DLGAP4: variants seen among roughly 807,000 people sequenced by gnomAD.
DLGAP4 encodes the protein disks large-associated protein 4.
DLGAP4 carries 18 observed loss-of-function variants against 86.9 expected under a neutral mutation model. The ratio of observed to expected loss-of-function variants is 0.21; its 90% CI spans 0.14 to 0.31. The LOEUF (loss-of-function observed/expected upper bound fraction) is 0.31, where lower values mean the gene tolerates loss of function less well. Ranked by LOEUF, DLGAP4 falls within the 10% of genes least tolerant of loss-of-function variation. The pLI is 1.00. For synonymous variants in DLGAP4, 548 were observed against 574.3 expected, an observed-to-expected ratio of 0.95 and a Z score of 0.65; for missense variants, 1,085 against 1,362.6, an observed-to-expected ratio of 0.80 and a Z score of 3.21.
At chr20:36,459,525 C>T (rs1249940898) in intron 7 of DLGAP4, among the ~76,000 whole-genome samples, 2 of 152,220 alleles carry the variant, frequency 1.3e-5, no homozygotes, top group African/African-American at 4.8e-5. Flanking sequence ...GCCACAGGCA[C>T]ATGCCACCAC....
chr20:36,499,529 GTTTGTTT>G, intron 8 of DLGAP4, 52 bp from the exon 9 acceptor site: 7 of 1,543,292 alleles, frequency 4.5e-6, no homozygotes, highest in Non-Finnish European at 6.2e-6. Flanking sequence ...CAAGTGTGGT[GTTTGTTT>G]TTTATTTTTG....
At chr20:36,497,560 C>T (rs1215426359) in intron 8 of DLGAP4, 3 of 988,454 alleles carry the variant, frequency 3.0e-6, no homozygotes, top group East Asian at 1.1e-4. Context: ...GGGGGTTGCT[C>T]GAGGGGAACT....
At position 36,446,626 on chromosome 20, in the gene DLGAP4, A is replaced by G. The variant is rs1819327988; in HGVS notation, c.1408-71A>G. 2.6e-5 allele frequency: 38 copies of G among 1,465,546 alleles called. 1 individual carries two copies. The South Asian group carries it at 4.7e-4, about 18-fold the overall frequency. 90.8% of individuals were successfully genotyped at this position (1,465,546 alleles called of 1,614,324 possible). A position where few individuals can be genotyped will look rare whatever the true frequency, so the allele number is the denominator to read the frequency against. On this transcript the variant is annotated intron_variant, in intron 6 of 12. Transcript: ENST00000339266. Reference sequence around the variant, plus strand: ...GACTGTCCAGCCCTGCCCTGAGCCCACCACCAAGAACCGCTCCCCCCAGGA... The same window carrying G: ...GACTGTCCAGCCCTGCCCTGAGCCCGCCACCAAGAACCGCTCCCCCCAGGA...
In DLGAP4 at chr20:36,395,483, C is replaced by T. The variant is rs1057105722; in HGVS notation, c.-73+28208C>T. 1.2e-4 allele frequency among the ~76,000 whole-genome samples: 18 copies of T among 152,082 alleles called. 1 individual carries two copies. Among genetic ancestry groups the T allele is most frequent in the African/African-American group, 4.4e-4 (18 of 41,378 alleles). ...TCAGCGGTCAGCAATGTAGTTATCA[C>T]AGTCAGCACTGCCTTTTTTTTATTA... On this transcript the variant is annotated intron_variant, in intron 2 of 12. Coordinates refer to ENST00000339266, the MANE Select transcript of DLGAP4 (RefSeq NM_001365621.2).
intron 10 of DLGAP4, among the ~76,000 whole-genome samples, chr20:36,506,366 G>A (rs528106817): frequency 3.9e-5 from 6 of 152,324 alleles, no homozygotes; most frequent in African/African-American, 1.4e-4. Context: ...CTGTCTACCT[G>A]GGAGGGAAGA....
At chr20:36,398,555 C>T (rs1426159575) in intron 2 of DLGAP4, among the ~76,000 whole-genome samples, 1 of 152,164 alleles carries the variant, frequency 6.6e-6, no homozygotes, top group African/African-American at 2.4e-5. Flanking sequence ...GTGGCAGGAG[C>T]TGTGGAAGCA....
At chr20:36,491,230 T>C (rs1362313253) in intron 7 of DLGAP4, among the ~76,000 whole-genome samples, 2 of 150,878 alleles carry the variant, frequency 1.3e-5, no homozygotes, top group African/African-American at 4.9e-5. Context: ...CATTCTGACC[T>C]GATAAATACA....
At chr20:36,517,058 G>A (rs547029072) in intron 10 of DLGAP4, among the ~76,000 whole-genome samples, 143 of 150,848 alleles carry the variant, frequency 9.5e-4, no homozygotes, top group Middle Eastern at 3.4e-3. Context: ...GAGCCACTGC[G>A]CCTGGCCGAA....
rs754562927 is a variant in DLGAP4 at position 36,442,762 on chromosome 20, T to C, written c.1392T>C (p.Phe464=). ...AGGCCTCCCTGATCCCCCAGTTGTTTGGCCATGAGCAGCAGGTCAGTATGT... is the reference window on the plus strand; with the variant it reads ...AGGCCTCCCTGATCCCCCAGTTGTTCGGCCATGAGCAGCAGGTCAGTATGT... ...FGQASLIPQL[F]GHEQQVREAE... The change falls in exon 6 of 13, where the codon TTT becomes TTC. Residue 464 remains phenylalanine (F), a synonymous_variant. Coordinates refer to ENST00000339266, the MANE Select transcript of DLGAP4 (RefSeq NM_001365621.2). The C allele has an allele frequency of 6.2e-7, 1 of 1,614,210 alleles. No individual in the cohort carries two copies. The highest frequency in any genetic ancestry group is 8.5e-7 in the Non-Finnish European group (1 of 1,180,038).
At chr20:36,512,252 G>GT (rs1272677250) in intron 10 of DLGAP4, among the ~76,000 whole-genome samples, 5 of 151,698 alleles carry the variant, frequency 3.3e-5, no homozygotes. Flanking sequence ...GAGTTTCACC[G>GT]TGTTAGCCAG....
chr20:36,382,249 T>C (rs558914998), intron 2 of DLGAP4, among the ~76,000 whole-genome samples: 4 of 152,166 alleles, frequency 2.6e-5, no homozygotes, highest in Non-Finnish European at 5.9e-5. Flanking sequence ...AGATAGAGTC[T>C]TGCTGTCTCT....
chr20:36,461,516 TGCCCGCC>T (rs2147615183), intron 7 of DLGAP4: 1 of 982,264 alleles, frequency 1.0e-6, no homozygotes, highest in East Asian at 1.1e-4. Context: ...GGAGGGTGAG[TGCCCGCC>T]GCTGGCCGCC....
rs1225852029 is a variant in DLGAP4 at position 36,527,792 on chromosome 20, CCA to C, written c.*762_*763del. On this transcript the variant is annotated 3_prime_UTR_variant, in exon 13 of 13. Coordinates refer to ENST00000339266, the MANE Select transcript of DLGAP4 (RefSeq NM_001365621.2). ...GAGACGAAGCCACAGTTATCACACTCCAGACTCCTGCCCTTTTATTTTCTCCA... is the reference window on the plus strand; with the variant it reads ...GAGACGAAGCCACAGTTATCACACTCGACTCCTGCCCTTTTATTTTCTCCA... 3 of 152,710 alleles carry C rather than the reference CCA, an allele frequency of 2.0e-5. No homozygotes were observed. The highest frequency in any genetic ancestry group is 7.2e-5 in the African/African-American group (3 of 41,410). 9.5% of individuals were successfully genotyped at this position (152,710 alleles called of 1,614,324 possible).
chr20:36,486,804 G>C (rs2035437000), intron 7 of DLGAP4, among the ~76,000 whole-genome samples: 2 of 152,120 alleles, frequency 1.3e-5, no homozygotes, highest in South Asian at 4.2e-4. Context: ...TAGAGGCGGG[G>C]TTTCACCATG....
At chr20:36,465,108 A>C (rs1267790108) in intron 7 of DLGAP4, among the ~76,000 whole-genome samples, 1 of 152,030 alleles carries the variant, frequency 6.6e-6, no homozygotes, top group African/African-American at 2.4e-5. Flanking sequence ...CCTTCCCAAA[A>C]ACATCTGGGT....
At chr20:36,450,954 G>T (rs1353557620) in intron 7 of DLGAP4, among the ~76,000 whole-genome samples, 1 of 152,162 alleles carries the variant, frequency 6.6e-6, no homozygotes, top group Non-Finnish European at 1.5e-5. Flanking sequence ...CACAGCTCTT[G>T]GTTCTGCTCT....
At chr20:36,433,489 TG>T (rs530293357) in intron 3 of DLGAP4, among the ~76,000 whole-genome samples, 1 of 152,304 alleles carries the variant, frequency 6.6e-6, no homozygotes, top group South Asian at 2.1e-4. Context: ...CAGGGGGCTA[TG>T]AACTGAATGG....
intron 3 of DLGAP4, among the ~76,000 whole-genome samples, chr20:36,434,241 C>T (rs2033209267): frequency 1.3e-5 from 2 of 152,182 alleles, no homozygotes; most frequent in African/African-American, 4.8e-5. Flanking sequence ...CTGCACCCAG[C>T]CATGAGATGC....
At chr20:36,367,815 A>T (rs1273435481) in intron 2 of DLGAP4, among the ~76,000 whole-genome samples, 1 of 152,102 alleles carries the variant, frequency 6.6e-6, no homozygotes, top group Non-Finnish European at 1.5e-5. Flanking sequence ...CCCGTCTCCA[A>T]CCGTCTGTCT....
Sources: allele counts gnomAD v4.1 joint callset (sites outside exome capture counted in the v4.1 genomes callset), GRCh38; gene constraint gnomAD v4.1.1; transcripts MANE v1.5; gene names NCBI Gene and HGNC (gene_info 2026-07-23, HGNC 2026-07-21).